Variants in CASP9 observed in about 807,000 individuals in gnomAD.
CASP9 encodes the protein caspase 9.
A neutral mutation model predicts 43.5 loss-of-function variants in CASP9; 29 were observed. That is an observed-to-expected ratio of 0.67 (90% CI 0.50 to 0.91). The LOEUF (loss-of-function observed/expected upper bound fraction) is 0.91. CASP9 is among the 40% of genes least tolerant of loss of function. The probability of loss-of-function intolerance (pLI) is 0.00; values close to 1 mark genes in which losing one functional copy is unlikely to be tolerated. For synonymous variants in CASP9, 206 were observed against 211.9 expected, an observed-to-expected ratio of 0.97 and a Z score of 0.24; for missense variants, 575 against 537.4, an observed-to-expected ratio of 1.07 and a Z score of -0.69.
rs554920946 is a variant in CASP9, at chr1:15,509,440, C to A, written c.419-1533G>T. On this transcript the variant is annotated intron_variant, in intron 2 of 8. Coordinates refer to ENST00000333868, the MANE Select transcript of CASP9 (RefSeq NM_001229.5). ...GACTAGCCTGGCCAACGTGGTGAAACCCCATCTGTACTAAAAATACAAAAA... is the reference window on the plus strand; with the variant it reads ...GACTAGCCTGGCCAACGTGGTGAAAACCCATCTGTACTAAAAATACAAAAA... 4.6e-4 allele frequency among the ~76,000 whole-genome samples: 65 copies of A among 139,916 alleles called. 1 individual carries two copies. The highest frequency in any genetic ancestry group is 1.7e-3 in the African/African-American group (62 of 36,662). The allele number at this position is 139,916 out of a possible 152,430, so 91.8% of individuals were successfully genotyped here. A position where few individuals can be genotyped will look rare whatever the true frequency, so the allele number is the denominator to read the frequency against.
intron 6 of CASP9, among the ~76,000 whole-genome samples, chr1:15,497,860 C>A (rs1481854522): frequency 2.6e-5 from 4 of 152,038 alleles, no homozygotes; most frequent in Non-Finnish European, 4.4e-5. Flanking sequence ...GGAAAAAGAG[C>A]AAAATTGGAG....
At chr1:15,520,427 A>G (rs1278325760) in intron 1 of CASP9, among the ~76,000 whole-genome samples, 2 of 152,242 alleles carry the variant, frequency 1.3e-5, no homozygotes, top group African/African-American at 2.4e-5. Context: ...ATCAATCATT[A>G]TTATAAACAT....
intron 6 of CASP9, among the ~76,000 whole-genome samples, chr1:15,500,563 A>C (rs1290823425): frequency 6.6e-6 from 1 of 152,166 alleles, no homozygotes; most frequent in African/African-American, 2.4e-5. Context: ...TTGCCTCTCA[A>C]CTATCCCACT....
At chr1:15,501,894 C>A (rs980919792) in intron 6 of CASP9, among the ~76,000 whole-genome samples, 1 of 152,134 alleles carries the variant, frequency 6.6e-6, no homozygotes, top group African/African-American at 2.4e-5. Flanking sequence ...GCCTAAACAT[C>A]CCAAGTAGCT....
intron 8 of CASP9, 26 bp from the exon 9 acceptor site, chr1:15,493,061 CT>C: frequency 6.2e-7 from 1 of 1,613,428 alleles, no homozygotes; most frequent in Non-Finnish European, 8.5e-7. Flanking sequence ...ATGGAGAGCT[CT>C]GTGAGTTCAG....
At chr1:15,509,473 A>G (rs1034623991) in intron 2 of CASP9, among the ~76,000 whole-genome samples, 2 of 151,016 alleles carry the variant, frequency 1.3e-5, no homozygotes, top group African/African-American at 4.9e-5. Context: ...AAAAAAAAAA[A>G]AAAAAAGAAA....
intron 1 of CASP9, chr1:15,519,897 T>G (rs1018088799): frequency 6.6e-6 from 1 of 152,500 alleles, no homozygotes; most frequent in African/African-American, 2.4e-5. Flanking sequence ...TCCCAGCTAC[T>G]CAGGAGGCTG....
At chr1:15,498,806 G>A (rs1209064328) in intron 6 of CASP9, among the ~76,000 whole-genome samples, 1 of 139,014 alleles carries the variant, frequency 7.2e-6, no homozygotes, top group Non-Finnish European at 1.5e-5. Context: ...CTGGAATGCA[G>A]TGGCGCGATG....
At chr1:15,521,182 A>G (rs552230429) in intron 1 of CASP9, among the ~76,000 whole-genome samples, 3 of 149,898 alleles carry the variant, frequency 2.0e-5, no homozygotes, top group Admixed American at 2.0e-4. Flanking sequence ...AAAAAGGAAA[A>G]TAGCTTGAAC....
chr1:15,511,406 ATT>A (rs35550418), intron 2 of CASP9, among the ~76,000 whole-genome samples: 20 of 143,462 alleles, frequency 1.4e-4, no homozygotes, highest in Non-Finnish European at 2.0e-4. Context: ...ACCACACCTA[ATT>A]TTTTTTTTTT....
At position 15,492,398 on chromosome 1, in the gene CASP9, T is replaced by C. The variant is rs1708925077; in HGVS notation, c.*545A>G. ...CAGACTCTAGTAGGCCCCGGTTTGCTGATCTATGAGCGATACTGGTTTGTG... is the reference window on the plus strand; with the variant it reads ...CAGACTCTAGTAGGCCCCGGTTTGCCGATCTATGAGCGATACTGGTTTGTG... On this transcript the variant is annotated 3_prime_UTR_variant, in exon 9 of 9. Coordinates refer to ENST00000333868, the MANE Select transcript of CASP9 (RefSeq NM_001229.5). The C allele has an allele frequency of 6.6e-6, 1 of 152,518 alleles. No individual in the cohort carries two copies. Among genetic ancestry groups the C allele is most frequent in the Non-Finnish European group, 1.5e-5 (1 of 68,270 alleles). 9.4% of individuals were successfully genotyped at this position (152,518 alleles called of 1,614,324 possible). A position where few individuals can be genotyped will look rare whatever the true frequency, so the allele number is the denominator to read the frequency against.
chr1:15,523,840 T>A (rs998366224), intron 1 of CASP9, among the ~76,000 whole-genome samples: 15 of 152,262 alleles, frequency 9.9e-5, no homozygotes, highest in Non-Finnish European at 1.8e-4. Context: ...GTTCTCAAGA[T>A]GTGTCTCACA....
Position 15,492,500 on chromosome 1 carries a change from C to G in CASP9, c.*443G>C, listed in dbSNP as rs1708928945. The G allele has an allele frequency of 6.2e-6, 1 of 160,480 alleles. No homozygotes were observed. The highest frequency in any genetic ancestry group is 2.4e-5 in the African/African-American group (1 of 41,660). 9.9% of individuals were successfully genotyped at this position (160,480 alleles called of 1,614,324 possible). ...TACCCCAGGACATATTTGGCAACAC[C>G]TGAGAACCTTTTTGTTTGGCACCAC... On this transcript the variant is annotated 3_prime_UTR_variant, in exon 9 of 9. Coordinates refer to ENST00000333868, the MANE Select transcript of CASP9 (RefSeq NM_001229.5).
chr1:15,507,070 G>A lies in CASP9; in HGVS notation c.459C>T (p.Tyr153=), dbSNP rs1306767756. The A allele has an allele frequency of 1.2e-6, 2 of 1,613,970 alleles. No individual in the cohort carries two copies. The highest frequency in any genetic ancestry group is 8.5e-7 in the Non-Finnish European group (1 of 1,179,866). Residue 153 remains tyrosine (Y), a synonymous_variant, in exon 4 of 9, where the codon TAC becomes TAT. Transcript: ENST00000333868. ...GGCCACAGGGCTCCATGCTCAGGAT[G>A]TAAGCCTGCCAGCACAGGGACCCAC... ...ESLRGNADLA[Y]ILSMEPCGHC...
At chr1:15,499,534 T>C (rs952287247) in intron 6 of CASP9, among the ~76,000 whole-genome samples, 2 of 152,266 alleles carry the variant, frequency 1.3e-5, no homozygotes, top group Admixed American at 6.5e-5. Context: ...TGGAGATGTT[T>C]ACACCTTCTA....
chr1:15,516,027 C>G (rs1053564806), intron 2 of CASP9, among the ~76,000 whole-genome samples: 5 of 152,042 alleles, frequency 3.3e-5, no homozygotes, highest in Non-Finnish European at 7.4e-5. Context: ...CATGGTGAAA[C>G]CCCATCTCTA....
intron 6 of CASP9, 34 bp downstream of exon 6, chr1:15,504,577 G>A: frequency 1.3e-6 from 2 of 1,592,094 alleles, no homozygotes; most frequent in Non-Finnish European, 1.7e-6. Flanking sequence ...CTCCCCACCA[G>A]ACCCACCCAG....
At chr1:15,520,165 C>T (rs1332207601) in intron 1 of CASP9, among the ~76,000 whole-genome samples, 1 of 152,194 alleles carries the variant, frequency 6.6e-6, no homozygotes. Context: ...CCTACAGCAG[C>T]ACTGTCTATG....
intron 6 of CASP9, among the ~76,000 whole-genome samples, chr1:15,502,943 C>T (rs1290927023): frequency 6.6e-6 from 1 of 152,110 alleles, no homozygotes; most frequent in East Asian, 1.9e-4. Context: ...CTTCCTGTTA[C>T]TGTTGTCCTG....
Sources: gnomAD v4.1 joint callset for allele counts (sites outside exome capture counted in the v4.1 genomes callset) on GRCh38, gnomAD v4.1.1 for gene constraint, MANE v1.5 for transcripts, NCBI Gene and HGNC (gene_info 2026-07-23, HGNC 2026-07-21) for gene names.